Variants in FUCA1 observed in about 807,000 individuals in gnomAD.
FUCA1 encodes alpha-L-fucosidase 1.
In FUCA1, 52 loss-of-function variants were observed where a neutral mutation model predicts 56.8. The observed-to-expected ratio is 0.92, with a 90% confidence interval of 0.73 to 1.15. The LOEUF (loss-of-function observed/expected upper bound fraction) is 1.15. Among genes scored for constraint, FUCA1 ranks in the 50% most tolerant of loss-of-function variants. FUCA1 has a pLI of 0.00. For missense variants in FUCA1, 568 were observed against 592.6 expected (o/e 0.96, Z 0.43); for synonymous variants, 230 against 226.6 (o/e 1.02, Z -0.14).
chr1:23,866,260 C>T (rs10799804), intron 1 of FUCA1, among the ~76,000 whole-genome samples: 40,831 of 152,084 alleles, frequency 0.27, 6,036 homozygotes, highest in Non-Finnish European at 0.34. Context: ...TGCAGTGAGC[C>T]GAGATCATGC....
rs1269167218 is a variant in FUCA1, at chr1:23,853,872, C to A, written c.969+488G>T. 2.0e-5 allele frequency among the ~76,000 whole-genome samples: 3 copies of A among 151,270 alleles called. No individual in the cohort carries two copies. In the East Asian group the frequency reaches 5.8e-4, roughly 29 times the overall value. On this transcript the variant is annotated intron_variant, in intron 5 of 7. Coordinates refer to ENST00000374479, the MANE Select transcript of FUCA1 (RefSeq NM_000147.5). Reference sequence around the variant, plus strand: ...AACAGATGCTTGAAGGCAGCATGCTCGTTAAGAGTCATCACCACTCCCTAA... The same window carrying A: ...AACAGATGCTTGAAGGCAGCATGCTAGTTAAGAGTCATCACCACTCCCTAA...
At chr1:23,865,273 A>G (rs1452173498) in intron 2 of FUCA1, among the ~76,000 whole-genome samples, 1 of 152,216 alleles carries the variant, frequency 6.6e-6, no homozygotes, top group Non-Finnish European at 1.5e-5. Context: ...GGTCACGTGA[A>G]AACTGTGAAG....
chr1:23,866,066 C>T (rs147070541), intron 1 of FUCA1, among the ~76,000 whole-genome samples: 1 of 152,312 alleles, frequency 6.6e-6, no homozygotes, highest in African/African-American at 2.4e-5. Flanking sequence ...AATCCCAGCA[C>T]TTTGGGAGGC....
At chr1:23,859,172 T>G (rs1251264264) in intron 4 of FUCA1, among the ~76,000 whole-genome samples, 2 of 152,202 alleles carry the variant, frequency 1.3e-5, no homozygotes, top group Non-Finnish European at 2.9e-5. Flanking sequence ...GTTTGCTTAA[T>G]AGAGTTTATT....
chr1:23,868,287 C>T lies in FUCA1; in HGVS notation c.-1G>A. On this transcript the variant is annotated 5_prime_UTR_variant, in exon 1 of 8. Coordinates refer to ENST00000374479, the MANE Select transcript of FUCA1 (RefSeq NM_000147.5). ...GCGACCTCATCCCCGGAGCCCGCAT[C>T]GCTACCCCTCAGCGACGCGGCCCAC... 6.5e-7 allele frequency: 1 copy of T among 1,546,012 alleles called. No homozygotes were observed. The highest frequency in any genetic ancestry group is 1.4e-5 in the African/African-American group (1 of 73,302).
chr1:23,848,883 G>C, intron 5 of FUCA1, 44 bp from the exon 6 acceptor site: 1 of 1,512,178 alleles, frequency 6.6e-7, no homozygotes. Flanking sequence ...TGAATGCCAA[G>C]CCTGGCATCA....
chr1:23,852,811 G>A (rs1639293186), intron 5 of FUCA1, among the ~76,000 whole-genome samples: 1 of 152,082 alleles, frequency 6.6e-6, no homozygotes, highest in Admixed American at 6.6e-5. Context: ...GCAGTGGCGT[G>A]ATCTCCGCTC....
At chr1:23,859,521 G>A (rs1471380815) in intron 4 of FUCA1, among the ~76,000 whole-genome samples, 2 of 150,892 alleles carry the variant, frequency 1.3e-5, no homozygotes, top group African/African-American at 4.9e-5. Flanking sequence ...AGCGGAGATC[G>A]CACCACTGTA....
At chr1:23,859,417 A>G (rs1019331652) in intron 4 of FUCA1, among the ~76,000 whole-genome samples, 3 of 152,002 alleles carry the variant, frequency 2.0e-5, no homozygotes, top group Admixed American at 6.6e-5. Context: ...AAACACAAAA[A>G]TCAGCCGGCC....
chr1:23,850,686 C>T (rs2148439909), intron 5 of FUCA1, among the ~76,000 whole-genome samples: 1 of 152,208 alleles, frequency 6.6e-6, no homozygotes, highest in Non-Finnish European at 1.5e-5. Flanking sequence ...CGGGGTTTCA[C>T]CACATTGGCC....
At chr1:23,866,037 C>A (rs1639617839) in intron 1 of FUCA1, among the ~76,000 whole-genome samples, 1 of 152,224 alleles carries the variant, frequency 6.6e-6, no homozygotes, top group South Asian at 2.1e-4. Context: ...GCTGGCCAGG[C>A]ATGGTGGCTC....
At chr1:23,855,155 T>G (rs1330345921) in intron 4 of FUCA1, among the ~76,000 whole-genome samples, 3 of 151,834 alleles carry the variant, frequency 2.0e-5, no homozygotes, top group Non-Finnish European at 2.9e-5. Context: ...AAGGTTTAGC[T>G]GAAGAATGAT....
At chr1:23,861,447 A>G (rs941321893) in intron 3 of FUCA1, among the ~76,000 whole-genome samples, 10 of 152,026 alleles carry the variant, frequency 6.6e-5, no homozygotes, top group Admixed American at 5.2e-4. Context: ...AAAAAAAAAA[A>G]GAATGGTGTT....
intron 5 of FUCA1, among the ~76,000 whole-genome samples, chr1:23,853,113 C>T (rs1179571725): frequency 1.1e-4 from 16 of 146,158 alleles, no homozygotes; most frequent in South Asian, 4.4e-4. Flanking sequence ...ATGTGGGGAG[C>T]GCCTCTGCCC....
At chr1:23,853,627 G>T (rs11804092) in intron 5 of FUCA1, among the ~76,000 whole-genome samples, 1 of 150,284 alleles carries the variant, frequency 6.7e-6, no homozygotes, top group Admixed American at 6.6e-5. Flanking sequence ...AGAAAGGGGG[G>T]AAAGGCGGGG....
chr1:23,847,342 CT>C lies in FUCA1; in HGVS notation c.1161-1170del, dbSNP rs71026630. On this transcript the variant is annotated intron_variant, in intron 6 of 7. Coordinates refer to ENST00000374479, the MANE Select transcript of FUCA1 (RefSeq NM_000147.5). ...AAACAAATTTGTTGTTCAGAGATTT[CT>C]TTTTTTTTTTTTCTGAGACTGCACC... Among the ~76,000 whole-genome samples the C allele has an allele frequency of 8.5e-4, 125 of 146,256 alleles. 1 individual carries two copies. The highest frequency in any genetic ancestry group is 3.7e-3 in the South Asian group (17 of 4,572).
intron 3 of FUCA1, among the ~76,000 whole-genome samples, chr1:23,861,470 A>G (rs976894918): frequency 2.0e-5 from 3 of 152,118 alleles, no homozygotes; most frequent in Non-Finnish European, 4.4e-5. Flanking sequence ...AAGGAAGCAA[A>G]GGAAACAAAA....
At chr1:23,852,918 C>A (rs1459710212) in intron 5 of FUCA1, among the ~76,000 whole-genome samples, 3 of 151,682 alleles carry the variant, frequency 2.0e-5, no homozygotes, top group South Asian at 2.1e-4. Context: ...AAGTGAGGAG[C>A]GTCTCTGCCT....
At chr1:23,859,365 G>A (rs969614797) in intron 4 of FUCA1, among the ~76,000 whole-genome samples, 20 of 152,006 alleles carry the variant, frequency 1.3e-4, no homozygotes, top group African/African-American at 4.8e-4. Flanking sequence ...TCAGGGGTTC[G>A]AGAGCAGCCT....
Sources: allele counts gnomAD v4.1 joint callset (sites outside exome capture counted in the v4.1 genomes callset), GRCh38; gene constraint gnomAD v4.1.1; transcripts MANE v1.5; gene names NCBI Gene and HGNC (gene_info 2026-07-23, HGNC 2026-07-21).